The following SUSD6 variants were observed in gnomAD, a reference collection of about 807,000 sequenced individuals.
SUSD6 encodes the protein sushi domain-containing protein 6.
SUSD6 carries 16 observed loss-of-function variants against 28.4 expected under a neutral mutation model. That is an observed-to-expected ratio of 0.56 (90% confidence interval 0.38 to 0.86). SUSD6 has a LOEUF of 0.86. Among genes scored for constraint, SUSD6 ranks in the 40% least tolerant of loss-of-function variants. The pLI, the probability that SUSD6 is intolerant of heterozygous loss-of-function variation, is 0.00. For synonymous variants in SUSD6, 147 were observed against 159.6 expected, an observed-to-expected ratio of 0.92 and a Z score of 0.59; for missense variants, 341 against 384.2, an observed-to-expected ratio of 0.89 and a Z score of 0.94.
intron 1 of SUSD6, among the ~76,000 whole-genome samples, chr14:69,644,837 C>T (rs934934806): frequency 6.6e-6 from 1 of 152,074 alleles, no homozygotes; most frequent in African/African-American, 2.4e-5. Context: ...TGATTTAGGG[C>T]CCCACATGCA....
chr14:69,643,173 T>G (rs1235671631), intron 1 of SUSD6, among the ~76,000 whole-genome samples: 1 of 152,162 alleles, frequency 6.6e-6, no homozygotes, highest in Non-Finnish European at 1.5e-5. Context: ...TTTATCTGGT[T>G]TTTCAGTTGT....
In SUSD6 at chr14:69,664,290, G is replaced by A. The variant is rs1306238674; in HGVS notation, c.121+5577G>A. 2.6e-5 allele frequency among the ~76,000 whole-genome samples: 4 copies of A among 152,044 alleles called. No individual in the cohort carries two copies. In the East Asian group the frequency reaches 7.7e-4, roughly 29 times the overall value. On this transcript the variant is annotated intron_variant, in intron 2 of 5. Coordinates refer to ENST00000342745, the MANE Select transcript of SUSD6 (RefSeq NM_014734.4). The stretch of plus-strand genomic sequence containing the variant: ...CCACTGCGCCTGGCCCTCTGTGGTT[G>A]TTTCTGTTCTCATCTACAGTGGCTC...
chr14:69,687,234 C>T (rs1477703265), intron 2 of SUSD6, among the ~76,000 whole-genome samples: 3 of 152,182 alleles, frequency 2.0e-5, no homozygotes, highest in African/African-American at 4.8e-5. Context: ...CTTGGTCTCC[C>T]GAAGTGCTGG....
intron 4 of SUSD6, among the ~76,000 whole-genome samples, chr14:69,707,980 T>C (rs910407380): frequency 2.0e-5 from 3 of 152,204 alleles, no homozygotes; most frequent in Admixed American, 2.0e-4. Context: ...ATAGGAGTTT[T>C]ATACCAGTGT....
rs374560357 is a variant in SUSD6 at position 69,613,953 on chromosome 14, A to G, written c.-81+2125A>G. On this transcript the variant is annotated intron_variant, in intron 1 of 5. Transcript: ENST00000342745. ...CCCAGAATTTGGTGAGATAGAAGAG[A>G]AAGAAGGGTAGAATGAGGTGTTACA... Among the ~76,000 whole-genome samples the G allele has an allele frequency of 1.1e-4, 17 of 152,336 alleles. 1 individual carries two copies. Among genetic ancestry groups the G allele is most frequent in the African/African-American group, 4.1e-4 (17 of 41,580 alleles).
intron 2 of SUSD6, among the ~76,000 whole-genome samples, chr14:69,701,332 C>T (rs760603815): frequency 3.3e-5 from 5 of 152,012 alleles, no homozygotes; most frequent in Non-Finnish European, 7.4e-5. Context: ...TTAGAATCAG[C>T]AGCTCTTCCC....
At chr14:69,706,289 G>A (rs1186944462) in intron 4 of SUSD6, among the ~76,000 whole-genome samples, 1 of 152,126 alleles carries the variant, frequency 6.6e-6, no homozygotes, top group African/African-American at 2.4e-5. Context: ...TAGTTAACTT[G>A]TAAGTTTGTT....
At position 69,703,535 on chromosome 14, in the gene SUSD6, AC is replaced by A; in HGVS notation, c.263del (p.Thr88SerfsTer34). The A allele has an allele frequency of 6.2e-7, 1 of 1,614,178 alleles. No homozygotes were observed. Among genetic ancestry groups the A allele is most frequent in the Non-Finnish European group, 8.5e-7 (1 of 1,180,012 alleles). ...YMLKGDYKYL[T>X]CKNGEWKPAM... ...GTTGAAGGGCGATTACAAATACCTG[AC>A]GTGTAAGAATGGCGAGTGGAAACCA... On this transcript the variant is annotated frameshift_variant, in exon 3 of 6. Transcript: ENST00000342745. LOFTEE classifies it high-confidence loss of function.
chr14:69,616,382 T>C (rs1373418277), intron 1 of SUSD6, among the ~76,000 whole-genome samples: 2 of 152,226 alleles, frequency 1.3e-5, no homozygotes, highest in Non-Finnish European at 1.5e-5. Context: ...TTGCCCTTTA[T>C]GTAAACTGTC....
chr14:69,703,399 C>T lies in SUSD6; in HGVS notation c.126C>T (p.Cys42=). ...GCTCTCTCCCTGTCTTTGCAGTGTG[C>T]CCCCTACCACCGGAGCCAGAGAATG... The part of the protein sequence containing the change: ...TLLGDGLASV[C]PLPPEPENGG... The change falls in exon 3 of 6, where the codon TGC becomes TGT. Residue 42 remains cysteine, a synonymous_variant. Coordinates refer to ENST00000342745, the MANE Select transcript of SUSD6 (RefSeq NM_014734.4). 1 of 1,612,828 alleles carries T rather than the reference C, an allele frequency of 6.2e-7. No individual in the cohort carries two copies. Among genetic ancestry groups the T allele is most frequent in the South Asian group, 1.1e-5 (1 of 90,998 alleles).
At position 69,712,377 on chromosome 14, in the gene SUSD6, G is replaced by A. The variant is rs1886476541; in HGVS notation, c.*1398G>A. The A allele has an allele frequency of 6.6e-6, 1 of 152,316 alleles. No individual in the cohort carries two copies. Among genetic ancestry groups the A allele is most frequent in the Admixed American group, 6.5e-5 (1 of 15,288 alleles). The allele number at this position is 152,316 out of a possible 1,614,324, so 9.4% of individuals were successfully genotyped here. A position where few individuals can be genotyped will look rare whatever the true frequency, so the allele number is the denominator to read the frequency against. On this transcript the variant is annotated 3_prime_UTR_variant, in exon 6 of 6. Transcript: ENST00000342745. ...GAGGGGCGCTCTCCCATAGCCATGTGTTGAATGCTAACTAGGCTGGGGTGG... is the reference window on the plus strand; with the variant it reads ...GAGGGGCGCTCTCCCATAGCCATGTATTGAATGCTAACTAGGCTGGGGTGG...
intron 2 of SUSD6, among the ~76,000 whole-genome samples, chr14:69,671,393 C>G (rs565321160): frequency 3.2e-4 from 49 of 152,272 alleles, no homozygotes; most frequent in African/African-American, 1.2e-3. Context: ...CCCTTCTGGT[C>G]CGAGGGAAGA....
At chr14:69,655,180 A>G (rs977834845) in intron 1 of SUSD6, among the ~76,000 whole-genome samples, 2 of 152,072 alleles carry the variant, frequency 1.3e-5, no homozygotes, top group Non-Finnish European at 2.9e-5. Flanking sequence ...AAATACATGC[A>G]TATACCCAGG....
intron 2 of SUSD6, among the ~76,000 whole-genome samples, chr14:69,693,642 A>G (rs946196260): frequency 2.6e-5 from 4 of 152,226 alleles, no homozygotes; most frequent in East Asian, 1.9e-4. Flanking sequence ...ATCAGTGCCT[A>G]GTAATGTGCC....
chr14:69,642,665 G>C (rs899031724), intron 1 of SUSD6, among the ~76,000 whole-genome samples: 18 of 143,868 alleles, frequency 1.3e-4, no homozygotes, highest in African/African-American at 4.5e-4. Flanking sequence ...CCCCTGCTGG[G>C]TCCCTCCCAC....
chr14:69,687,146 T>C (rs909703450), intron 2 of SUSD6, among the ~76,000 whole-genome samples: 2 of 152,110 alleles, frequency 1.3e-5, no homozygotes, highest in Non-Finnish European at 2.9e-5. Context: ...GGCTAATTTT[T>C]GTATTTTTAG....
chr14:69,686,947 T>G (rs1193157017), intron 2 of SUSD6, among the ~76,000 whole-genome samples: 1 of 152,240 alleles, frequency 6.6e-6, no homozygotes, highest in East Asian at 1.9e-4. Flanking sequence ...GCCATCTTTA[T>G]TCTATTTAGA....
chr14:69,675,294 A>G (rs1885890780), intron 2 of SUSD6, among the ~76,000 whole-genome samples: 3 of 152,004 alleles, frequency 2.0e-5, no homozygotes, highest in Non-Finnish European at 4.4e-5. Flanking sequence ...ATCCCAGGCA[A>G]TATATATGCA....
chr14:69,645,843 T>G (rs1184238564), intron 1 of SUSD6, among the ~76,000 whole-genome samples: 1 of 151,808 alleles, frequency 6.6e-6, no homozygotes, highest in Non-Finnish European at 1.5e-5. Flanking sequence ...TCCGCCTCCC[T>G]GCTTCAAGCG....
Sources: allele counts gnomAD v4.1 joint callset (sites outside exome capture counted in the v4.1 genomes callset), GRCh38; gene constraint gnomAD v4.1.1; transcripts MANE v1.5; gene names NCBI Gene and HGNC (gene_info 2026-07-23, HGNC 2026-07-21).